TMC8: variants seen among roughly 807,000 people sequenced by gnomAD.
TMC8 encodes the protein transmembrane channel like 8, also known as transmembrane channel-like protein 8.
Under a neutral mutation model 76.0 loss-of-function variants are expected in TMC8, and 71 were observed. That is an observed-to-expected ratio of 0.93 (90% CI 0.77 to 1.14). The LOEUF (loss-of-function observed/expected upper bound fraction) is 1.14, where lower values mean the gene tolerates loss of function less well. TMC8 is among the 50% of genes most tolerant of loss of function. TMC8 has a pLI of 0.00. For missense variants in TMC8, 924 were observed against 947.9 expected, an observed-to-expected ratio of 0.97 and a Z score of 0.33; for synonymous variants, 433 against 433.8, an observed-to-expected ratio of 1.00 and a Z score of 0.02.
chr17:78,132,464 T>C lies in TMC8; in HGVS notation c.404T>C (p.Leu135Pro). The C allele has an allele frequency of 1.9e-6, 3 of 1,612,270 alleles. No individual in the cohort carries two copies. Among genetic ancestry groups the C allele is most frequent in the South Asian group, 2.2e-5 (2 of 90,764 alleles). The change falls in exon 4 of 16, where the codon CTG (leucine) becomes CCG (proline). Residue 135 changes from leucine (L) to proline (P), a missense_variant. Physicochemically the swap from Leu to Pro is moderately conservative, Grantham distance 98. Coordinates refer to ENST00000318430, the MANE Select transcript of TMC8 (RefSeq NM_152468.5). ...LLTASFVLLPLVWLRPPDPGP... is the reference protein window; with the variant it reads ...LLTASFVLLPPVWLRPPDPGP... ...ACCGCAAGCTTCGTGCTGCTGCCCC[T>C]GGTCTGGCTCCGCCCCCCTGACCCA...
Position 78,138,215 on chromosome 17 carries a change from G to A in TMC8, c.1533+27G>A, listed in dbSNP as rs767027621. ...TGACGGCTCATGGCTGGGGGGTATG[G>A]GGTTCGTGCCTCTGGGTGGATGCCT... On this transcript the variant is annotated intron_variant, in intron 12 of 15. Coordinates refer to ENST00000318430, the MANE Select transcript of TMC8 (RefSeq NM_152468.5). 6.2e-6 allele frequency: 10 copies of A among 1,613,448 alleles called. No individual in the cohort carries two copies. In the African/African-American group the frequency reaches 1.3e-4, roughly 22 times the overall value.
intron 9 of TMC8, 84 bp from the exon 10 acceptor site, chr17:78,137,151 G>A (rs1314998732): frequency 6.9e-6 from 11 of 1,584,508 alleles, no homozygotes; most frequent in African/African-American, 4.0e-5. Context: ...GATCCCACTC[G>A]GACATCAGCC....
At position 78,141,092 on chromosome 17, in the gene TMC8, C is replaced by G. The variant is rs1187732896; in HGVS notation, c.2161C>G (p.Pro721Ala). The change falls in exon 16 of 16, where the codon CCC becomes GCC. Residue 721 changes from proline to alanine, a missense_variant. Coordinates refer to ENST00000318430, the MANE Select transcript of TMC8 (RefSeq NM_152468.5). ...GGCCTCCGCCCGCAGATTCCGCTTC[C>G]CCAGCGGCGCGGAGCTGTAACCCCT... is the stretch of plus-strand genomic sequence containing the variant. The part of the protein sequence containing the change: ...APASARRFRF[P>A]SGAEL 1 of 1,578,128 alleles carries G rather than the reference C, an allele frequency of 6.3e-7. No individual in the cohort carries two copies. Among genetic ancestry groups the G allele is most frequent in the South Asian group, 1.1e-5 (1 of 87,470 alleles).
Position 78,141,150 on chromosome 17 carries a change from C to T in TMC8, c.*38C>T, listed in dbSNP as rs1482547341. 8.6e-6 allele frequency: 13 copies of T among 1,505,192 alleles called. No individual in the cohort carries two copies. The highest frequency in any genetic ancestry group is 2.5e-4 in the Middle Eastern group (1 of 4,048). 93.2% of individuals were successfully genotyped at this position (1,505,192 alleles called of 1,614,324 possible). ...CCTCCCCGAAGCCTCCCTGGGGCCC[C>T]TTCAGGCCTCCTTACTCCATCTTCC... is the stretch of plus-strand genomic sequence containing the variant. On this transcript the variant is annotated 3_prime_UTR_variant, in exon 16 of 16. Coordinates refer to ENST00000318430, the MANE Select transcript of TMC8 (RefSeq NM_152468.5).
intron 9 of TMC8, 98 bp from the exon 10 acceptor site, chr17:78,137,137 A>T: frequency 6.4e-7 from 1 of 1,561,968 alleles, no homozygotes; most frequent in Non-Finnish European, 8.7e-7. Context: ...CCAGGACACA[A>T]CATGATCCCA....
chr17:78,138,567 T>A lies in TMC8; in HGVS notation c.1665-7T>A. 1 of 1,613,776 alleles carries A rather than the reference T, an allele frequency of 6.2e-7. No homozygotes were observed. The highest frequency in any genetic ancestry group is 1.7e-5 in the Admixed American group (1 of 60,030). On this transcript the variant is annotated splice_region_variant and splice_polypyrimidine_tract_variant and intron_variant, in intron 13 of 15. Coordinates refer to ENST00000318430, the MANE Select transcript of TMC8 (RefSeq NM_152468.5). ...GATGCCAGCCCCACTTGGCCATCTC[T>A]CGCCAGCATCCACTCCTCCTGGGAC...
In TMC8 at chr17:78,139,011, G is replaced by C. The variant is rs752873683; in HGVS notation, c.1824-151G>C. 5 of 1,570,588 alleles carry C rather than the reference G, an allele frequency of 3.2e-6. No individual in the cohort carries two copies. In the Admixed American group the frequency reaches 9.0e-5, roughly 28 times the overall value. On this transcript the variant is annotated intron_variant, in intron 14 of 15. Transcript: ENST00000318430. ...GGGGATGAGGGGCTCTGCGAGGAAG[G>C]AGAGGAGGGTCCCATCCTCAGATAC...
In TMC8 at chr17:78,131,481, C is replaced by T; in HGVS notation, c.-108C>T. The T allele has an allele frequency of 1.4e-6, 2 of 1,467,538 alleles. No individual in the cohort carries two copies. The highest frequency in any genetic ancestry group is 1.8e-6 in the Non-Finnish European group (2 of 1,087,572). 90.9% of individuals were successfully genotyped at this position (1,467,538 alleles called of 1,614,324 possible). A position where few individuals can be genotyped will look rare whatever the true frequency, so the allele number is the denominator to read the frequency against. ...GGGGACGGAAGGGCCCGCCCCCAGCCCAGCGTGCACAGAGGCCATAGCCAA... is the reference window on the plus strand; with the variant it reads ...GGGGACGGAAGGGCCCGCCCCCAGCTCAGCGTGCACAGAGGCCATAGCCAA... On this transcript the variant is annotated 5_prime_UTR_variant, in exon 2 of 16. Coordinates refer to ENST00000318430, the MANE Select transcript of TMC8 (RefSeq NM_152468.5).
In TMC8 at chr17:78,134,453, G is replaced by C. The variant is rs760013930; in HGVS notation, c.876G>C (p.Thr292=). ...TGCAGCAGCAGACCCGGGCCCAGAC[G>C]GCCTGCCGCCTGCTCTCCTACCTGC... ...QLMQQQTRAQ[T]ACRLLSYLRV... is the part of the protein sequence containing the mutation. Residue 292 remains threonine, a synonymous_variant, in exon 8 of 16, where the codon ACG becomes ACC. Transcript: ENST00000318430. The C allele has an allele frequency of 5.6e-6, 9 of 1,613,808 alleles. No individual in the cohort carries two copies. The highest frequency in any genetic ancestry group is 5.9e-6 in the Non-Finnish European group (7 of 1,180,044).
chr17:78,135,417 G>A (rs1273817046), intron 9 of TMC8, among the ~76,000 whole-genome samples: 7 of 152,176 alleles, frequency 4.6e-5, no homozygotes, highest in Non-Finnish European at 1.0e-4. Context: ...CTTGAGGGAT[G>A]AGGAAACTGA....
chr17:78,131,999 G>C lies in TMC8; in HGVS notation c.267G>C (p.Gly89=). The change falls in exon 3 of 16, where the codon GGG becomes GGC. Residue 89 remains glycine, a synonymous_variant. Transcript: ENST00000318430. ...EAAQRLARGL[G]LWEGALYEIG... ...CGCAGCGGCTGGCCCGGGGCCTTGG[G>C]CTCTGGGAGGGGGCGCTCTACGAGA... 4 of 1,531,984 alleles carry C rather than the reference G, an allele frequency of 2.6e-6. No homozygotes were observed. The South Asian group carries it at 4.8e-5, about 18-fold the overall frequency. 94.9% of individuals were successfully genotyped at this position (1,531,984 alleles called of 1,614,324 possible). A position where few individuals can be genotyped will look rare whatever the true frequency, so the allele number is the denominator to read the frequency against.
intron 1 of TMC8, 128 bp from the exon 2 acceptor site, chr17:78,131,153 A>C: frequency 1.5e-5 from 4 of 260,612 alleles, no homozygotes; most frequent in Non-Finnish European, 3.0e-5. Context: ...AAGAGAGGGA[A>C]TTGTCTCTCC....
intron 14 of TMC8, 89 bp from the exon 15 acceptor site, chr17:78,139,073 T>C: frequency 6.3e-7 from 1 of 1,588,598 alleles, no homozygotes; most frequent in Non-Finnish European, 8.6e-7. Context: ...TACCGCGTAT[T>C]GTAGAGATTG....
At chr17:78,137,888 C>G (rs1308226209) in intron 11 of TMC8, 74 bp downstream of exon 11, 10 of 1,597,580 alleles carry the variant, frequency 6.3e-6, no homozygotes, top group Non-Finnish European at 8.5e-6. Context: ...TGGCTACAGC[C>G]AAGGGTGAGC....
Position 78,138,158 on chromosome 17 carries a change from C to T in TMC8, c.1503C>T (p.Val501=). 1 of 1,613,892 alleles carries T rather than the reference C, an allele frequency of 6.2e-7. No homozygotes were observed. The highest frequency in any genetic ancestry group is 8.5e-7 in the Non-Finnish European group (1 of 1,179,966). ...YCPLLPLLNS[V]FLFLTFYIKK... ...CCCTGCTGCCCCTGCTGAATAGCGT[C>T]TTCCTCTTCCTCACCTTCTACATCA... The change falls in exon 12 of 16, where the codon GTC becomes GTT. Residue 501 remains valine, a synonymous_variant. Transcript: ENST00000318430.
rs1366123975 is a variant in TMC8 at position 78,137,735 on chromosome 17, G to T, written c.1270G>T (p.Gly424Trp). 6.2e-7 allele frequency: 1 copy of T among 1,613,446 alleles called. No homozygotes were observed. The highest frequency in any genetic ancestry group is 8.5e-7 in the Non-Finnish European group (1 of 1,180,010). Residue 424 changes from glycine (G) to tryptophan (W), a missense_variant, in exon 11 of 16, where the codon GGG becomes TGG. Gly to Trp is a radical substitution (Grantham distance 184, BLOSUM62 -2). Coordinates refer to ENST00000318430, the MANE Select transcript of TMC8 (RefSeq NM_152468.5). ...CDYQCWENSV[G>W]EELYKLSIFN... ...ACCCCAGTGCTGGGAGAACTCCGTG[G>T]GGGAGGAGCTGTACAAGCTGAGTAT...
intron 13 of TMC8, 32 bp downstream of exon 13, chr17:78,138,511 C>T: frequency 3.1e-6 from 5 of 1,613,538 alleles, no homozygotes; most frequent in Non-Finnish European, 4.2e-6. Flanking sequence ...CACCCAGAGG[C>T]TGGCAGGGGC....
In TMC8 at chr17:78,141,321, AT is replaced by A. The variant is rs535498824; in HGVS notation, c.*215del. 1.8e-3 allele frequency: 724 copies of A among 396,994 alleles called. 2 individuals are homozygous for A. The highest frequency in any genetic ancestry group is 0.014 in the African/African-American group (668 of 46,910). 24.6% of individuals were successfully genotyped at this position (396,994 alleles called of 1,614,324 possible). A position where few individuals can be genotyped will look rare whatever the true frequency, so the allele number is the denominator to read the frequency against. On this transcript the variant is annotated 3_prime_UTR_variant, in exon 16 of 16. Coordinates refer to ENST00000318430, the MANE Select transcript of TMC8 (RefSeq NM_152468.5). ...TTAATCTCATCCCTTTAAAATGTCT[AT>A]TTTTTATTGTGTTTTTTATAATATA...
chr17:78,138,478 A>C lies in TMC8; in HGVS notation c.1663A>C (p.Ser555Arg), dbSNP rs776160590. ...AGTGCCCCTGGGCTATGTGGTCAGC[A>C]GGTGAGGGGAAGAGGAGGGGGGCAC... is the stretch of plus-strand genomic sequence containing the variant. ...AAVPLGYVVS[S>R]IHSSWDCGLF... The change falls in exon 13 of 16, where the codon AGC (serine) becomes CGC (arginine). Residue 555 changes from serine to arginine, a missense_variant and splice_region_variant. By Grantham distance (110) the Ser-to-Arg change is moderately radical. Transcript: ENST00000318430. The C allele has an allele frequency of 6.2e-7, 1 of 1,613,438 alleles. No homozygotes were observed. The highest frequency in any genetic ancestry group is 1.7e-5 in the Admixed American group (1 of 60,014).
Sources: allele counts gnomAD v4.1 joint callset (sites outside exome capture counted in the v4.1 genomes callset), GRCh38; gene constraint gnomAD v4.1.1; transcripts MANE v1.5; gene names NCBI Gene and HGNC (gene_info 2026-07-23, HGNC 2026-07-21).